Variants in STAB2 observed in about 807,000 individuals in gnomAD.
The protein encoded by STAB2 is stabilin 2.
A neutral mutation model predicts 338.1 loss-of-function variants in STAB2; 288 were observed. The ratio of observed to expected loss-of-function variants is 0.85; its 90% CI spans 0.77 to 0.94. The LOEUF (loss-of-function observed/expected upper bound fraction) is 0.94. STAB2 is among the 40% of genes least tolerant of loss of function. STAB2 has a pLI of 0.00. For synonymous variants in STAB2, 1,202 were observed against 1,193.3 expected (o/e 1.01, Z -0.15); for missense variants, 3,141 against 3,210.1 (o/e 0.98, Z 0.52).
chr12:103,764,502 A>T (rs562289798), intron 68 of STAB2, among the ~76,000 whole-genome samples: 1 of 152,328 alleles, frequency 6.6e-6, no homozygotes, highest in East Asian at 1.9e-4. Context: ...TACCCCATAC[A>T]TAACACATGT....
intron 25 of STAB2, among the ~76,000 whole-genome samples, chr12:103,680,070 G>A (rs1343184362): frequency 6.6e-6 from 1 of 152,194 alleles, no homozygotes; most frequent in Non-Finnish European, 1.5e-5. Context: ...GAGGTTCCTA[G>A]AATAGTCAGG....
At chr12:103,643,919 CCCTCTGCCCG>C (rs1873114654) in intron 9 of STAB2, among the ~76,000 whole-genome samples, 3 of 116,868 alleles carry the variant, frequency 2.6e-5, no homozygotes, top group Admixed American at 8.2e-5. Context: ...AGTGAGGAGC[CCCTCTGCCCG>C]GCCAGCCGCC....
At chr12:103,668,836 G>T in intron 20 of STAB2, 107 bp downstream of exon 20, 2 of 956,886 alleles carry the variant, frequency 2.1e-6, no homozygotes, top group Non-Finnish European at 3.0e-6. Flanking sequence ...GCCCGTGCTT[G>T]CTGTTGTCTT....
At chr12:103,708,773 C>A (rs765722190) in intron 39 of STAB2, among the ~76,000 whole-genome samples, 1 of 152,138 alleles carries the variant, frequency 6.6e-6, no homozygotes, top group Non-Finnish European at 1.5e-5. Flanking sequence ...GGCTACCAAC[C>A]TTTTTCTAGG....
intron 40 of STAB2, 80 bp from the exon 41 acceptor site, chr12:103,712,287 A>G: frequency 9.2e-7 from 1 of 1,084,032 alleles, no homozygotes; most frequent in Non-Finnish European, 1.4e-6. Context: ...CAGGATACTG[A>G]GGGTGAAGGG....
At chr12:103,761,067 G>A (rs1215075916) in intron 65 of STAB2, among the ~76,000 whole-genome samples, 1 of 152,182 alleles carries the variant, frequency 6.6e-6, no homozygotes, top group Non-Finnish European at 1.5e-5. Flanking sequence ...AGACAAGTGG[G>A]TTGGACAAAT....
At chr12:103,610,172 G>A (rs555688793) in intron 3 of STAB2, among the ~76,000 whole-genome samples, 29 of 151,896 alleles carry the variant, frequency 1.9e-4, no homozygotes, top group Non-Finnish European at 1.5e-5. Flanking sequence ...TCTCTGCCAG[G>A]CTTTGGTATC....
At chr12:103,718,022 G>T (rs1341031458) in intron 44 of STAB2, among the ~76,000 whole-genome samples, 181 bp downstream of exon 44, 1 of 152,086 alleles carries the variant, frequency 6.6e-6, no homozygotes, top group African/African-American at 2.4e-5. Flanking sequence ...AAGAGAGAAG[G>T]CACAGTCTGC....
In STAB2 at chr12:103,600,719, T is replaced by C. The variant is rs767750930; in HGVS notation, c.331+6209T>C. On this transcript the variant is annotated intron_variant, in intron 3 of 68. Coordinates refer to ENST00000388887, the MANE Select transcript of STAB2 (RefSeq NM_017564.10). ...CTGGGCCAGGGTGAAGCACCTCCTA[T>C]AGAGAAAACCTCACATCCATTGCAG... Among the ~76,000 whole-genome samples the C allele has an allele frequency of 2.0e-5, 3 of 152,306 alleles. No individual in the cohort carries two copies. The East Asian group carries it at 5.8e-4, about 29-fold the overall frequency.
At position 103,748,993 on chromosome 12, in the gene STAB2, G is replaced by C. The variant is rs1287705244; in HGVS notation, c.6275G>C (p.Gly2092Ala). 6.2e-7 allele frequency: 1 copy of C among 1,613,902 alleles called. No homozygotes were observed. Among genetic ancestry groups the C allele is most frequent in the Non-Finnish European group, 8.5e-7 (1 of 1,179,996 alleles). Residue 2092 changes from glycine to alanine, a missense_variant, in exon 59 of 69, where the codon GGC becomes GCC. Gly to Ala is a moderately conservative substitution (Grantham distance 60). Coordinates refer to ENST00000388887, the MANE Select transcript of STAB2 (RefSeq NM_017564.10). ...GATTTCTGCAAACAGGACAACGGGG[G>C]CTGTGCAAAGGTGGCCAGATGCTCC... is the stretch of plus-strand genomic sequence containing the variant. Reference protein sequence around the residue: ...VVDFCKQDNGGCAKVARCSQK... With the variant: ...VVDFCKQDNGACAKVARCSQK...
intron 57 of STAB2, chr12:103,746,394 A>C (rs148733535): frequency 7.4e-6 from 4 of 537,258 alleles, no homozygotes; most frequent in South Asian, 4.5e-5. Context: ...TGCAGAGATC[A>C]TGTCTTACTA....
At chr12:103,674,709 G>C (rs1038868404) in intron 23 of STAB2, among the ~76,000 whole-genome samples, 5 of 152,192 alleles carry the variant, frequency 3.3e-5, no homozygotes, top group Non-Finnish European at 7.3e-5. Flanking sequence ...GAAATACCTA[G>C]CTCCAAGGCA....
At chr12:103,605,727 A>C (rs2086245) in intron 3 of STAB2, among the ~76,000 whole-genome samples, 48,843 of 151,828 alleles carry the variant, frequency 0.32, 10,021 homozygotes, top group African/African-American at 0.58. Flanking sequence ...ACTTCTTTAT[A>C]CCTGGTAAAA....
intron 33 of STAB2, among the ~76,000 whole-genome samples, chr12:103,697,367 G>A (rs1309604465): frequency 1.3e-5 from 2 of 152,174 alleles, no homozygotes; most frequent in Non-Finnish European, 2.9e-5. Flanking sequence ...TCTTTTCCCT[G>A]CCCTCTAACC....
chr12:103,739,331 C>A, intron 53 of STAB2, 81 bp from the exon 54 acceptor site: 2 of 1,305,230 alleles, frequency 1.5e-6, no homozygotes, highest in Non-Finnish European at 2.1e-6. Context: ...AGCCCTTAAT[C>A]CATCCAGGTA....
At chr12:103,681,611 T>TA in intron 25 of STAB2, among the ~76,000 whole-genome samples, 1 of 135,754 alleles carries the variant, frequency 7.4e-6, no homozygotes, top group African/African-American at 2.8e-5. Flanking sequence ...AATTCCCCCC[T>TA]ACTTTTTTTT....
chr12:103,712,502 G>A lies in STAB2; in HGVS notation c.4411+59G>A, dbSNP rs987086802. 3.7e-6 allele frequency: 5 copies of A among 1,360,292 alleles called. No individual in the cohort carries two copies. The Admixed American group carries it at 5.0e-5, about 14-fold the overall frequency. 84.3% of individuals were successfully genotyped at this position (1,360,292 alleles called of 1,614,324 possible). ...GCAAGGCTTGCACAGGCTATTGAGA[G>A]GTTCTTGTTCCTGCAGTCTGAATGG... is the stretch of plus-strand genomic sequence containing the variant. On this transcript the variant is annotated intron_variant, in intron 41 of 68. Coordinates refer to ENST00000388887, the MANE Select transcript of STAB2 (RefSeq NM_017564.10).
chr12:103,693,536 G>A (rs140749899), intron 31 of STAB2, among the ~76,000 whole-genome samples: 44 of 152,034 alleles, frequency 2.9e-4, no homozygotes, highest in African/African-American at 9.4e-4. Flanking sequence ...AGAGGCATGT[G>A]ATTACATATC....
intron 61 of STAB2, among the ~76,000 whole-genome samples, chr12:103,754,103 C>G (rs941302985): frequency 6.6e-6 from 1 of 152,100 alleles, no homozygotes; most frequent in African/African-American, 2.4e-5. Flanking sequence ...AGCCCCTTCT[C>G]CAACCTCCAT....
Sources: allele counts gnomAD v4.1 joint callset (sites outside exome capture counted in the v4.1 genomes callset), GRCh38; gene constraint gnomAD v4.1.1; transcripts MANE v1.5; gene names NCBI Gene and HGNC (gene_info 2026-07-23, HGNC 2026-07-21).